FBLN2: variants seen among roughly 807,000 people sequenced by gnomAD.
The protein encoded by FBLN2 is fibulin 2.
A neutral mutation model predicts 123.7 loss-of-function variants in FBLN2; 81 were observed. The ratio of observed to expected loss-of-function variants is 0.65; its 90% CI spans 0.55 to 0.79. FBLN2 has a LOEUF of 0.79. Among genes scored for constraint, FBLN2 ranks in the 30% least tolerant of loss-of-function variants. FBLN2 has a pLI of 0.00. For synonymous variants in FBLN2, 699 were observed against 701.4 expected (o/e 1.00, Z 0.05); for missense variants, 1,603 against 1,681.3 (o/e 0.95, Z 0.81).
chr3:13,583,155 G>A (rs769501969), intron 2 of FBLN2, among the ~76,000 whole-genome samples: 3 of 152,260 alleles, frequency 2.0e-5, no homozygotes, highest in African/African-American at 4.8e-5. Flanking sequence ...CAGACAAGGG[G>A]AGGGGCACCC....
chr3:13,585,272 T>C (rs775658258), intron 2 of FBLN2, among the ~76,000 whole-genome samples: 1 of 152,202 alleles, frequency 6.6e-6, no homozygotes, highest in Non-Finnish European at 1.5e-5. Context: ...CGTGTTACCC[T>C]GACCTCTCCT....
At chr3:13,577,703 G>T (rs921398987) in intron 2 of FBLN2, among the ~76,000 whole-genome samples, 1 of 152,218 alleles carries the variant, frequency 6.6e-6, no homozygotes, top group African/African-American at 2.4e-5. Flanking sequence ...CTGCTGGAGA[G>T]AATGGGAGCA....
rs73150630 is a variant in FBLN2, at chr3:13,622,307, C to T, written c.2296+392C>T. ...GCTCCGTGGCCTTGGATGAATGACT[C>T]GTCTTCCCCCAGCTGTGGTTTTCTC... On this transcript the variant is annotated intron_variant, in intron 9 of 17. Transcript: ENST00000404922. Among the ~76,000 whole-genome samples the T allele has an allele frequency of 8.8e-3, 1,339 of 152,328 alleles. 33 individuals are homozygous for T. Among genetic ancestry groups the T allele is most frequent in the African/African-American group, 0.031 (1,271 of 41,572 alleles).
At chr3:13,566,867 A>G (rs1043024000) in intron 1 of FBLN2, among the ~76,000 whole-genome samples, 2 of 152,232 alleles carry the variant, frequency 1.3e-5, no homozygotes, top group African/African-American at 4.8e-5. Flanking sequence ...GAAAGCACTT[A>G]TGGGCCAGAT....
Position 13,571,034 on chromosome 3 carries a change from G to A in FBLN2, c.679G>A (p.Gly227Ser). 25 of 1,573,618 alleles carry A rather than the reference G, an allele frequency of 1.6e-5. No homozygotes were observed. Among genetic ancestry groups the A allele is most frequent in the Non-Finnish European group, 2.1e-5 (24 of 1,160,438 alleles). ...QAGAVQAGAG[G>S]PPAALGGGSQ... ...GGGTGCAGTCCAGGCAGGCGCAGGGGGCCCCCCAGCTGCTCTGGGAGGTGG... is the reference window on the plus strand; with the variant it reads ...GGGTGCAGTCCAGGCAGGCGCAGGGAGCCCCCCAGCTGCTCTGGGAGGTGG... The change falls in exon 2 of 18, where the codon GGC becomes AGC. Residue 227 changes from glycine to serine, a missense_variant. Transcript: ENST00000404922.
intron 16 of FBLN2, among the ~76,000 whole-genome samples, chr3:13,634,942 G>C (rs1706405995): frequency 6.6e-6 from 1 of 152,250 alleles, no homozygotes; most frequent in Non-Finnish European, 1.5e-5. Flanking sequence ...CTGGAGGCAG[G>C]CTGACTATTG....
At chr3:13,554,356 C>T (rs1703407522) in intron 1 of FBLN2, among the ~76,000 whole-genome samples, 1 of 152,220 alleles carries the variant, frequency 6.6e-6, no homozygotes, top group Non-Finnish European at 1.5e-5. Flanking sequence ...TTCTTCCCTC[C>T]TTAGCCTGGG....
intron 2 of FBLN2, among the ~76,000 whole-genome samples, chr3:13,578,002 G>T (rs1320584241): frequency 6.6e-6 from 1 of 152,222 alleles, no homozygotes. Flanking sequence ...TTCCCATGGG[G>T]GACCTAGAGG....
At chr3:13,610,920 T>A (rs918094519) in intron 4 of FBLN2, among the ~76,000 whole-genome samples, 28 of 118,774 alleles carry the variant, frequency 2.4e-4, no homozygotes, top group Non-Finnish European at 4.1e-4. Context: ...ATTATTATTA[T>A]TATTATTTTG....
chr3:13,582,356 C>T (rs1005061101), intron 2 of FBLN2, among the ~76,000 whole-genome samples: 20 of 152,164 alleles, frequency 1.3e-4, no homozygotes, highest in African/African-American at 4.6e-4. Flanking sequence ...ATCTGTGCTG[C>T]GAGTTTCCCT....
intron 2 of FBLN2, among the ~76,000 whole-genome samples, chr3:13,601,765 A>G (rs557826423): frequency 6.6e-6 from 1 of 152,352 alleles, no homozygotes; most frequent in South Asian, 2.1e-4. Context: ...AAACTCATCC[A>G]CAAGAGGCTC....
rs1275124086 is a variant in FBLN2 at position 13,619,846 on chromosome 3, G to A, written c.2155+15G>A. 7 of 1,604,438 alleles carry A rather than the reference G, an allele frequency of 4.4e-6. No homozygotes were observed. The highest frequency in any genetic ancestry group is 6.0e-6 in the Non-Finnish European group (7 of 1,175,288). ...GTCCTGTGAAGGTGAGTGCCTTGGGGTGCCCTCCTACCTGTGCAAACCTGA... is the reference window on the plus strand; with the variant it reads ...GTCCTGTGAAGGTGAGTGCCTTGGGATGCCCTCCTACCTGTGCAAACCTGA... On this transcript the variant is annotated intron_variant, in intron 8 of 17. Coordinates refer to ENST00000404922, the MANE Select transcript of FBLN2 (RefSeq NM_001004019.2).
At chr3:13,577,962 A>C (rs557648232) in intron 2 of FBLN2, among the ~76,000 whole-genome samples, 1 of 152,186 alleles carries the variant, frequency 6.6e-6, no homozygotes, top group Admixed American at 6.6e-5. Context: ...AGGGGGCCCC[A>C]GTCTCCCAGT....
chr3:13,549,491 G>C (rs1374643918), intron 1 of FBLN2, among the ~76,000 whole-genome samples: 1 of 151,810 alleles, frequency 6.6e-6, no homozygotes, highest in Non-Finnish European at 1.5e-5. Context: ...CCCCACCCCA[G>C]GTCCGCAGCT....
intron 1 of FBLN2, among the ~76,000 whole-genome samples, chr3:13,557,204 G>A (rs1430534971): frequency 6.6e-6 from 1 of 152,220 alleles, no homozygotes; most frequent in Non-Finnish European, 1.5e-5. Context: ...GGCCCCAGGC[G>A]CATGTCTGGA....
chr3:13,609,670 AGGGTGGGGTG>A, intron 4 of FBLN2, 28 bp downstream of exon 4: 1 of 71,398 alleles, frequency 1.4e-5, no homozygotes, highest in Non-Finnish European at 2.7e-5. Context: ...CCTTCAAGGC[AGGGTGGGGTG>A]GGGCGGGGCG....
chr3:13,574,368 G>C (rs1704064073), intron 2 of FBLN2, among the ~76,000 whole-genome samples: 1 of 152,216 alleles, frequency 6.6e-6, no homozygotes, highest in Admixed American at 6.5e-5. Flanking sequence ...CTGCCCGAGG[G>C]TTCCTCCGTG....
At chr3:13,588,139 A>G (rs1704565177) in intron 2 of FBLN2, among the ~76,000 whole-genome samples, 3 of 152,166 alleles carry the variant, frequency 2.0e-5, no homozygotes, top group Middle Eastern at 3.4e-3. Flanking sequence ...TTTATATCAT[A>G]CTCTTACTGT....
rs373092793 is a variant in FBLN2, at chr3:13,570,472, G to A, written c.117G>A (p.Pro39=). 3.0e-5 allele frequency: 48 copies of A among 1,577,766 alleles called. No homozygotes were observed. Among genetic ancestry groups the A allele is most frequent in the Middle Eastern group, 1.7e-4 (1 of 5,730 alleles). Residue 39 remains proline (P), a synonymous_variant, in exon 2 of 18, where the codon CCG becomes CCA. Coordinates refer to ENST00000404922, the MANE Select transcript of FBLN2 (RefSeq NM_001004019.2). ...AGGACTGCACGGGCGTGGAGTGCCC[G>A]CCGCTGGAGAACTGCATTGAGGAGG... ...PRQDCTGVEC[P]PLENCIEEAL...
Sources: gnomAD v4.1 joint callset for allele counts (sites outside exome capture counted in the v4.1 genomes callset) on GRCh38, gnomAD v4.1.1 for gene constraint, MANE v1.5 for transcripts, NCBI Gene and HGNC (gene_info 2026-07-23, HGNC 2026-07-21) for gene names.